CSMD2: variants seen among roughly 807,000 people sequenced by gnomAD.
CSMD2 encodes CUB and Sushi multiple domains 2, also known as CUB and sushi domain-containing protein 2.
In CSMD2, 130 loss-of-function variants were observed where a neutral mutation model predicts 398.5. That is an observed-to-expected ratio of 0.33 (90% CI 0.28 to 0.38). CSMD2 has a LOEUF of 0.38. CSMD2 is among the 10% of genes least tolerant of loss of function. CSMD2 has a pLI of 1.00. For synonymous variants in CSMD2, 1,828 were observed against 1,908.5 expected (o/e 0.96, Z 1.10); for missense variants, 3,829 against 4,764.9 (o/e 0.80, Z 5.78).
At chr1:33,897,641 G>A (rs1169308228) in intron 5 of CSMD2, among the ~76,000 whole-genome samples, 1 of 152,210 alleles carries the variant, frequency 6.6e-6, no homozygotes, top group Non-Finnish European at 1.5e-5. Flanking sequence ...GGTGACAACA[G>A]AGCCAGGAGT....
chr1:33,583,800 T>G lies in CSMD2; in HGVS notation c.7082A>C (p.Asp2361Ala). 2 of 1,613,880 alleles carry G rather than the reference T, an allele frequency of 1.2e-6. No individual in the cohort carries two copies. Among genetic ancestry groups the G allele is most frequent in the African/African-American group, 1.3e-5 (1 of 74,970 alleles). ...VHCPTNELLTDSTGVILSQSY... is the reference protein window; with the variant it reads ...VHCPTNELLTASTGVILSQSY... ...CTGGCTCAGGATCACGCCTGTGGAGTCTGTCAGAAGCTCATTTGTTGGACA... is the reference window on the plus strand; with the variant it reads ...CTGGCTCAGGATCACGCCTGTGGAGGCTGTCAGAAGCTCATTTGTTGGACA... The change falls in exon 47 of 71, where the codon GAC (aspartate) becomes GCC (alanine). Residue 2361 changes from aspartate (D) to alanine (A), a missense_variant. Coordinates refer to ENST00000373381, the MANE Select transcript of CSMD2 (RefSeq NM_001281956.2).
At chr1:33,649,315 G>A (rs1321080748) in intron 28 of CSMD2, among the ~76,000 whole-genome samples, 1 of 152,204 alleles carries the variant, frequency 6.6e-6, no homozygotes, top group South Asian at 2.1e-4. Flanking sequence ...GACTTTAAGT[G>A]AAATGACATA....
chr1:33,916,683 G>T (rs1643739107), intron 5 of CSMD2, among the ~76,000 whole-genome samples: 1 of 152,112 alleles, frequency 6.6e-6, no homozygotes, highest in African/African-American at 2.4e-5. Context: ...ACTGCACCAG[G>T]AAACTTGAGT....
chr1:33,931,493 TG>T (rs1180180961), intron 4 of CSMD2, among the ~76,000 whole-genome samples: 2 of 115,208 alleles, frequency 1.7e-5, no homozygotes, highest in African/African-American at 6.8e-5. Flanking sequence ...TGACTGGGGG[TG>T]GGGGGAAGCC....
At chr1:34,128,381 C>A (rs1037445425) in intron 1 of CSMD2, among the ~76,000 whole-genome samples, 8 of 152,162 alleles carry the variant, frequency 5.3e-5, no homozygotes, top group Non-Finnish European at 1.2e-4. Flanking sequence ...AAGACTGTAC[C>A]CGCAGGAAGG....
intron 20 of CSMD2, among the ~76,000 whole-genome samples, chr1:33,715,704 A>G (rs1646143688): frequency 6.6e-6 from 1 of 152,072 alleles, no homozygotes; most frequent in African/African-American, 2.4e-5. Context: ...GGAGGGAGGT[A>G]CTCTGGGGTG....
At chr1:33,609,533 G>A (rs762414207) in intron 41 of CSMD2, among the ~76,000 whole-genome samples, 15 of 152,266 alleles carry the variant, frequency 9.9e-5, no homozygotes, top group Non-Finnish European at 8.8e-5. Flanking sequence ...AATAGTAGCC[G>A]TTTCTGGAGA....
intron 3 of CSMD2, among the ~76,000 whole-genome samples, chr1:33,952,970 T>C (rs114455255): frequency 0.019 from 2,821 of 152,302 alleles, 105 homozygotes; most frequent in African/African-American, 0.064. Flanking sequence ...CCGTAAGGCA[T>C]TGGGCACCAG....
chr1:33,849,792 CA>C (rs1638566761), intron 5 of CSMD2, among the ~76,000 whole-genome samples: 3 of 151,644 alleles, frequency 2.0e-5, no homozygotes, highest in African/African-American at 7.3e-5. Flanking sequence ...TTTTGGATAG[CA>C]TCTCCAAAAT....
At chr1:33,681,035 A>C (rs1032844010) in intron 25 of CSMD2, among the ~76,000 whole-genome samples, 37 of 140,210 alleles carry the variant, frequency 2.6e-4, no homozygotes, top group African/African-American at 1.0e-3. Flanking sequence ...AGTGATTCTC[A>C]TGCCTCAGCC....
rs1303980491 is a variant in CSMD2 at position 34,163,921 on chromosome 1, G to A, written c.187+990C>T. 2.0e-5 allele frequency among the ~76,000 whole-genome samples: 3 copies of A among 152,252 alleles called. No homozygotes were observed. Among genetic ancestry groups the A allele is most frequent in the East Asian group, 3.9e-4 (2 of 5,142 alleles). On this transcript the variant is annotated intron_variant, in intron 1 of 70. Coordinates refer to ENST00000373381, the MANE Select transcript of CSMD2 (RefSeq NM_001281956.2). The surrounding 1 kb of genome is among the most constrained non-coding windows in gnomAD (Gnocchi z 5.4). ...AGTCGCGGCCAGTAGCCTCCACAGG[G>A]GACCGGGTTCCCTCGAAGGTTCGCG... is the stretch of plus-strand genomic sequence containing the variant.
chr1:34,063,497 G>A (rs1339066640), intron 2 of CSMD2, among the ~76,000 whole-genome samples: 1 of 152,164 alleles, frequency 6.6e-6, no homozygotes, highest in Non-Finnish European at 1.5e-5. Flanking sequence ...AATCCAGATG[G>A]GGCAGTCAAA....
chr1:33,526,942 C>A (rs1489000609), intron 65 of CSMD2, among the ~76,000 whole-genome samples: 1 of 152,198 alleles, frequency 6.6e-6, no homozygotes, highest in Non-Finnish European at 1.5e-5. Flanking sequence ...CTGTAGTAAT[C>A]AACAGTTCCA....
At chr1:33,937,988 T>C (rs1251197797) in intron 3 of CSMD2, among the ~76,000 whole-genome samples, 1 of 152,260 alleles carries the variant, frequency 6.6e-6, no homozygotes, top group Non-Finnish European at 1.5e-5. Flanking sequence ...CATATGTGCA[T>C]GTTCATTAAT....
chr1:33,996,735 C>T (rs887880335), intron 3 of CSMD2, among the ~76,000 whole-genome samples: 2 of 137,834 alleles, frequency 1.5e-5, no homozygotes, highest in Admixed American at 8.2e-5. Context: ...ACCGATTCTA[C>T]GAAGCAGAAA....
chr1:33,783,432 T>TCC (rs1653063072), intron 12 of CSMD2, among the ~76,000 whole-genome samples: 1 of 3,572 alleles, frequency 2.8e-4, no homozygotes, highest in African/African-American at 1.1e-3. Flanking sequence ...ATTCTCTCAT[T>TCC]CTCTCTCTCT....
chr1:34,078,121 T>C (rs111481214), intron 2 of CSMD2, among the ~76,000 whole-genome samples: 37 of 152,014 alleles, frequency 2.4e-4, no homozygotes, highest in African/African-American at 8.4e-4. Flanking sequence ...TACAGGTGGA[T>C]GCCACTGTGC....
chr1:33,721,390 T>G (rs377733530), intron 19 of CSMD2, among the ~76,000 whole-genome samples: 1 of 152,142 alleles, frequency 6.6e-6, no homozygotes, highest in Non-Finnish European at 1.5e-5. Flanking sequence ...ATTTGTAAAA[T>G]AGTTGGTGAG....
intron 10 of CSMD2, among the ~76,000 whole-genome samples, chr1:33,805,576 C>T (rs945922433): frequency 1.3e-5 from 2 of 152,074 alleles, no homozygotes; most frequent in African/African-American, 2.4e-5. Flanking sequence ...CCCCTGAATT[C>T]ACATGTTGAA....
Sources: gnomAD v4.1 joint callset for allele counts (sites outside exome capture counted in the v4.1 genomes callset) on GRCh38, gnomAD v4.1.1 for gene constraint, Gnocchi (gnomAD v3.1) non-coding constraint, MANE v1.5 for transcripts, NCBI Gene and HGNC (gene_info 2026-07-23, HGNC 2026-07-21) for gene names.